NLRP8: variants seen among roughly 807,000 people sequenced by gnomAD.
NLRP8 encodes NACHT, LRR and PYD domains-containing protein 8.
A neutral mutation model predicts 88.7 loss-of-function variants in NLRP8; 86 were observed. The observed-to-expected ratio is 0.97, with a 90% CI of 0.81 to 1.16. The LOEUF (loss-of-function observed/expected upper bound fraction) is 1.16, where lower values mean the gene tolerates loss of function less well. Among genes scored for constraint, NLRP8 ranks in the 50% most tolerant of loss-of-function variants. The pLI is 0.00. For missense variants in NLRP8, 1,342 were observed against 1,286.5 expected (o/e 1.04, Z -0.66); for synonymous variants, 504 against 494.6 (o/e 1.02, Z -0.25).
chr19:55,960,640 T>C (rs1460375367), intron 3 of NLRP8, among the ~76,000 whole-genome samples: 1 of 152,138 alleles, frequency 6.6e-6, no homozygotes, highest in Non-Finnish European at 1.5e-5. Context: ...CTGCAGGGAG[T>C]TGATATCATT....
intron 3 of NLRP8, among the ~76,000 whole-genome samples, chr19:55,961,333 C>T (rs767082956): frequency 1.3e-5 from 2 of 152,130 alleles, no homozygotes; most frequent in Non-Finnish European, 2.9e-5. Context: ...AAACTACATG[C>T]CAATCTAGCT....
rs1218109827 is a variant in NLRP8 at position 55,987,796 on chromosome 19, T to G, written c.3048-18T>G. 5 of 1,594,532 alleles carry G rather than the reference T, an allele frequency of 3.1e-6. No homozygotes were observed. In the East Asian group the frequency reaches 1.1e-4, roughly 36 times the overall value. ...AGAAAATAACCTCAACCAGCAGCCT[T>G]CCTTTACCTCCCTCCAGCTGTATTC... On this transcript the variant is annotated intron_variant, in intron 9 of 9. Coordinates refer to ENST00000291971, the MANE Select transcript of NLRP8 (RefSeq NM_176811.2).
chr19:55,979,667 C>G, intron 9 of NLRP8, 103 bp downstream of exon 9: 1 of 1,281,102 alleles, frequency 7.8e-7, no homozygotes, highest in Non-Finnish European at 1.1e-6. Context: ...GCCTGTAATC[C>G]CAGCACTTTG....
chr19:55,969,891 A>C lies in NLRP8; in HGVS notation c.2382-653A>C, dbSNP rs553425017. 7.9e-5 allele frequency among the ~76,000 whole-genome samples: 12 copies of C among 152,256 alleles called. 1 individual carries two copies. In the South Asian group the frequency reaches 2.5e-3, roughly 32 times the overall value. ...ATGCTTCACTGAATGTCTTTATATA[A>C]ACAGCCCACCTTGAGGCCGAAATCC... On this transcript the variant is annotated intron_variant, in intron 5 of 9. Coordinates refer to ENST00000291971, the MANE Select transcript of NLRP8 (RefSeq NM_176811.2).
rs144779703 is a variant in NLRP8, at chr19:55,972,011, C to T, written c.2534+1315C>T. Among the ~76,000 whole-genome samples, 9 of 152,020 alleles carry T rather than the reference C, an allele frequency of 5.9e-5. No individual in the cohort carries two copies. In the East Asian group the frequency reaches 1.2e-3, roughly 20 times the overall value. ...TGCGTCTTTCCTTTTTTATAACTTC[C>T]GAAATTATGTCTCTTCCTCAGCCGT... On this transcript the variant is annotated intron_variant, in intron 6 of 9. Coordinates refer to ENST00000291971, the MANE Select transcript of NLRP8 (RefSeq NM_176811.2).
intron 9 of NLRP8, among the ~76,000 whole-genome samples, chr19:55,987,335 A>C (rs190030727): frequency 6.6e-6 from 1 of 152,206 alleles, no homozygotes; most frequent in South Asian, 2.1e-4. Flanking sequence ...ACGCCACTGC[A>C]CTCCAGCGTG....
chr19:55,977,370 T>G (rs1427038684), intron 8 of NLRP8, among the ~76,000 whole-genome samples: 1 of 143,984 alleles, frequency 6.9e-6, no homozygotes, highest in Non-Finnish European at 1.5e-5. Flanking sequence ...TATATAAGTA[T>G]ATATAAATAT....
chr19:55,985,217 C>T (rs1161609095), intron 9 of NLRP8, among the ~76,000 whole-genome samples: 3 of 151,964 alleles, frequency 2.0e-5, no homozygotes, highest in African/African-American at 7.2e-5. Flanking sequence ...GCAGGAGAAT[C>T]GCTTGAACTG....
Position 55,976,215 on chromosome 19 carries a change from G to C in NLRP8, c.2788G>C (p.Asp930His), listed in dbSNP as rs1227188458. 3.1e-6 allele frequency: 5 copies of C among 1,613,824 alleles called. No individual in the cohort carries two copies. The highest frequency in any genetic ancestry group is 4.2e-6 in the Non-Finnish European group (5 of 1,179,934). ...TAAAAATAAAACCCTGAAAAGTCTT[G>C]ACCTAAGTTTTAATAGCCTGAAGGA... The change falls in exon 8 of 10, where the codon GAC (aspartate) becomes CAC (histidine). Residue 930 changes from aspartate to histidine, a missense_variant. By Grantham distance (81) the Asp-to-His change is moderately conservative. Transcript: ENST00000291971.
intron 1 of NLRP8, among the ~76,000 whole-genome samples, chr19:55,952,195 G>A (rs929671646): frequency 3.3e-5 from 5 of 152,156 alleles, no homozygotes; most frequent in African/African-American, 4.8e-5. Flanking sequence ...ACACCCCTAC[G>A]TAGATATTAA....
rs975294688 is a variant in NLRP8, at chr19:55,970,545, T to C, written c.2383T>C (p.Leu795=). Residue 795 remains leucine, a splice_region_variant and synonymous_variant, in exon 6 of 10, where the codon TTG becomes CTG. Coordinates refer to ENST00000291971, the MANE Select transcript of NLRP8 (RefSeq NM_176811.2). ...AGCATTTGTATCTGGCTTCTACAGG[T>C]TGGAAGACTGCTTGGCCACCCCTAG... 2 of 1,614,070 alleles carry C rather than the reference T, an allele frequency of 1.2e-6. No homozygotes were observed. Among genetic ancestry groups the C allele is most frequent in the Admixed American group, 3.3e-5 (2 of 60,006 alleles).
chr19:55,965,391 C>G (rs560858531), intron 4 of NLRP8, among the ~76,000 whole-genome samples: 2 of 151,446 alleles, frequency 1.3e-5, no homozygotes, highest in South Asian at 4.2e-4. Context: ...GCAGAGGTTA[C>G]AGTAAGCTGA....
rs745895174 is a variant in NLRP8, at chr19:55,973,628, C to A, written c.2535-24C>A. ...AGACAAAGACCCCTCTCCATTCAGTCATCTGTGTGCTTCTCTCCCATAGGA... is the reference window on the plus strand; with the variant it reads ...AGACAAAGACCCCTCTCCATTCAGTAATCTGTGTGCTTCTCTCCCATAGGA... On this transcript the variant is annotated intron_variant, in intron 6 of 9. Coordinates refer to ENST00000291971, the MANE Select transcript of NLRP8 (RefSeq NM_176811.2). 1.5e-4 allele frequency: 229 copies of A among 1,569,374 alleles called. 1 individual carries two copies. The East Asian group carries it at 5.1e-3, about 35-fold the overall frequency.
chr19:55,978,063 GATT>G (rs1232263474), intron 8 of NLRP8, among the ~76,000 whole-genome samples: 1 of 152,074 alleles, frequency 6.6e-6, no homozygotes, highest in African/African-American at 2.4e-5. Context: ...GCTTGTATGA[GATT>G]ATTATTATTT....
At chr19:55,980,804 A>C (rs1017103291) in intron 9 of NLRP8, among the ~76,000 whole-genome samples, 1 of 152,162 alleles carries the variant, frequency 6.6e-6, no homozygotes, top group African/African-American at 2.4e-5. Context: ...GCCCTGGTCC[A>C]GTGAGAGAGG....
chr19:55,959,888 G>C (rs1979536136), intron 3 of NLRP8, among the ~76,000 whole-genome samples: 1 of 152,064 alleles, frequency 6.6e-6, no homozygotes, highest in South Asian at 2.1e-4. Flanking sequence ...CCTTCCTCTG[G>C]AGCCTTAGTA....
intron 9 of NLRP8, among the ~76,000 whole-genome samples, chr19:55,983,497 A>C (rs1980662535): frequency 1.3e-5 from 2 of 150,782 alleles, no homozygotes; most frequent in African/African-American, 4.9e-5. Flanking sequence ...AAATAAATGA[A>C]AGACGAAATG....
chr19:55,947,997 A>T lies in NLRP8; in HGVS notation c.95A>T (p.Tyr32Phe), dbSNP rs745723781. ...ATTCCGCCCTGGACATTCTCTTGCT[A>T]CCCCGGCTCCCCATGTGAAAATGGG... Residue 32 changes from tyrosine to phenylalanine, a missense_variant, in exon 1 of 10, where the codon TAC becomes TTC. Coordinates refer to ENST00000291971, the MANE Select transcript of NLRP8 (RefSeq NM_176811.2). 2.5e-6 allele frequency: 4 copies of T among 1,613,782 alleles called. No individual in the cohort carries two copies. The Admixed American group carries it at 6.7e-5, about 27-fold the overall frequency.
intron 1 of NLRP8, among the ~76,000 whole-genome samples, chr19:55,950,159 C>T (rs1218337993): frequency 1.3e-5 from 2 of 151,714 alleles, no homozygotes; most frequent in Non-Finnish European, 2.9e-5. Flanking sequence ...GCCTGTAATC[C>T]CAGCACTTTG....
Sources: allele counts gnomAD v4.1 joint callset (sites outside exome capture counted in the v4.1 genomes callset), GRCh38; gene constraint gnomAD v4.1.1; transcripts MANE v1.5; gene names NCBI Gene and HGNC (gene_info 2026-07-23, HGNC 2026-07-21).